TBC1D22A: variants seen among roughly 807,000 people sequenced by gnomAD.
The protein encoded by TBC1D22A is putative GTPase activator.
In TBC1D22A, 38 loss-of-function variants were observed where a neutral mutation model predicts 60.2. The observed-to-expected ratio is 0.63, with a 90% CI of 0.49 to 0.83. The LOEUF is 0.83. Among genes scored for constraint, TBC1D22A ranks in the 40% least tolerant of loss-of-function variants. The pLI, the probability that TBC1D22A is intolerant of heterozygous loss-of-function variation, is 0.00. For missense variants in TBC1D22A, 628 were observed against 701.0 expected (o/e 0.90, Z 1.18); for synonymous variants, 302 against 281.7 (o/e 1.07, Z -0.72).
chr22:47,018,963 C>G (rs1230707796), intron 10 of TBC1D22A, among the ~76,000 whole-genome samples: 4 of 152,104 alleles, frequency 2.6e-5, no homozygotes, highest in African/African-American at 4.8e-5. Context: ...ATAGCACTCA[C>G]TGTGGGGTCC....
intron 12 of TBC1D22A, among the ~76,000 whole-genome samples, chr22:47,151,838 G>A (rs750399381): frequency 5.3e-5 from 8 of 152,218 alleles, no homozygotes; most frequent in South Asian, 2.1e-4. Context: ...CCCAGGGGAC[G>A]GGGAGGACCC....
At chr22:47,084,908 G>T (rs73170437) in intron 11 of TBC1D22A, among the ~76,000 whole-genome samples, 1 of 152,138 alleles carries the variant, frequency 6.6e-6, no homozygotes, top group Non-Finnish European at 1.5e-5. Flanking sequence ...CAATCCAGAG[G>T]TTCATTTTCT....
intron 7 of TBC1D22A, among the ~76,000 whole-genome samples, chr22:46,903,220 C>T (rs1304680280): frequency 1.3e-5 from 2 of 152,098 alleles, no homozygotes; most frequent in African/African-American, 4.8e-5. Context: ...GGCTGAGGGC[C>T]GAGGGTTGAG....
Position 46,762,701 on chromosome 22 carries a change from A to AC in TBC1D22A, c.-83dup. The AC allele has an allele frequency of 8.1e-7, 1 of 1,234,858 alleles. No individual in the cohort carries two copies. Among genetic ancestry groups the AC allele is most frequent in the East Asian group, 3.2e-5 (1 of 31,468 alleles). 76.5% of individuals were successfully genotyped at this position (1,234,858 alleles called of 1,614,324 possible). A position where few individuals can be genotyped will look rare whatever the true frequency, so the allele number is the denominator to read the frequency against. On this transcript the variant is annotated 5_prime_UTR_variant, in exon 1 of 13. Coordinates refer to ENST00000337137, the MANE Select transcript of TBC1D22A (RefSeq NM_014346.5). The stretch of plus-strand genomic sequence containing the variant: ...GGAGTCCCGGGAGCAGTGAGGGGCC[A>AC]CCCGGGGCACAGGAAAGGGCCGCTA...
At chr22:46,920,902 C>T (rs2070719857) in intron 8 of TBC1D22A, among the ~76,000 whole-genome samples, 1 of 151,854 alleles carries the variant, frequency 6.6e-6, no homozygotes, top group African/African-American at 2.4e-5. Context: ...TCCTGAGTAG[C>T]TGGGATTACA....
rs147849487 is a variant in TBC1D22A at position 47,109,461 on chromosome 22, G to A, written c.1330-2047G>A. Among the ~76,000 whole-genome samples, 4 of 152,304 alleles carry A rather than the reference G, an allele frequency of 2.6e-5. No individual in the cohort carries two copies. In the East Asian group the frequency reaches 7.7e-4, roughly 29 times the overall value. ...AATATGCACCCTCTTCATGTTCTGTGGTCTGGCCCCAGCTCGCTGGTCATT... is the reference window on the plus strand; with the variant it reads ...AATATGCACCCTCTTCATGTTCTGTAGTCTGGCCCCAGCTCGCTGGTCATT... On this transcript the variant is annotated intron_variant, in intron 11 of 12. Transcript: ENST00000337137.
At chr22:47,162,431 C>T (rs1305378615) in intron 12 of TBC1D22A, among the ~76,000 whole-genome samples, 3 of 152,168 alleles carry the variant, frequency 2.0e-5, no homozygotes, top group African/African-American at 7.2e-5. Context: ...GGAGAGACGA[C>T]TCTCACTTCT....
intron 10 of TBC1D22A, among the ~76,000 whole-genome samples, chr22:47,015,705 C>T (rs761906520): frequency 2.0e-5 from 3 of 152,206 alleles, no homozygotes; most frequent in Non-Finnish European, 2.9e-5. Flanking sequence ...GGCAGACCTG[C>T]AGGATGAGAG....
intron 7 of TBC1D22A, among the ~76,000 whole-genome samples, chr22:46,897,643 T>C (rs1228184431): frequency 8.4e-6 from 1 of 119,240 alleles, no homozygotes; most frequent in African/African-American, 3.1e-5. Flanking sequence ...TCGTTTTGTT[T>C]TTTTTTGTGT....
chr22:47,124,221 A>T (rs554636225), intron 12 of TBC1D22A, among the ~76,000 whole-genome samples: 1 of 152,330 alleles, frequency 6.6e-6, no homozygotes, highest in South Asian at 2.1e-4. Context: ...TTTTAGCAAG[A>T]ACTGCAGGGT....
intron 8 of TBC1D22A, among the ~76,000 whole-genome samples, chr22:46,940,955 T>C (rs1437984958): frequency 2.2e-5 from 3 of 136,712 alleles, no homozygotes; most frequent in Admixed American, 7.6e-5. Context: ...GCATGGGGAC[T>C]GAGGCACTAG....
intron 8 of TBC1D22A, among the ~76,000 whole-genome samples, chr22:46,971,720 G>A (rs893102665): frequency 1.1e-4 from 17 of 152,236 alleles, no homozygotes; most frequent in African/African-American, 3.1e-4. Flanking sequence ...ACTGATCAGC[G>A]CGTGGAGGCT....
At chr22:46,976,867 C>A (rs931590683) in intron 9 of TBC1D22A, among the ~76,000 whole-genome samples, 20 of 152,282 alleles carry the variant, frequency 1.3e-4, no homozygotes, top group African/African-American at 4.8e-4. Flanking sequence ...TTATTGGAGC[C>A]GCTGAGCCAG....
At chr22:46,845,876 C>T (rs1428344944) in intron 4 of TBC1D22A, among the ~76,000 whole-genome samples, 3 of 152,218 alleles carry the variant, frequency 2.0e-5, no homozygotes, top group Non-Finnish European at 1.5e-5. Context: ...GGGTCGCCAG[C>T]CCTCAGGAAG....
intron 8 of TBC1D22A, among the ~76,000 whole-genome samples, chr22:46,966,568 A>AT (rs1396030603): frequency 6.6e-6 from 1 of 152,246 alleles, no homozygotes; most frequent in Non-Finnish European, 1.5e-5. Flanking sequence ...TTATTGAAAC[A>AT]TTAAAGATCC....
At chr22:47,044,891 G>T (rs2062978940) in intron 11 of TBC1D22A, among the ~76,000 whole-genome samples, 2 of 152,188 alleles carry the variant, frequency 1.3e-5, no homozygotes, top group African/African-American at 2.4e-5. Flanking sequence ...TTTTATTGGG[G>T]CTCGAGAACT....
intron 8 of TBC1D22A, among the ~76,000 whole-genome samples, chr22:46,933,003 G>A (rs2071444063): frequency 6.6e-6 from 1 of 152,166 alleles, no homozygotes. Flanking sequence ...GATGACAGGC[G>A]TGAGCCACTG....
intron 10 of TBC1D22A, among the ~76,000 whole-genome samples, chr22:47,003,965 G>C (rs1404861907): frequency 5.6e-5 from 6 of 107,250 alleles, no homozygotes; most frequent in African/African-American, 2.5e-4. Flanking sequence ...ACGCATGCCT[G>C]TATACACACC....
rs187795999 is a variant in TBC1D22A at position 46,885,457 on chromosome 22, C to T, written c.709-5809C>T. Among the ~76,000 whole-genome samples, 342 of 152,242 alleles carry T rather than the reference C, an allele frequency of 2.2e-3. 1 individual carries two copies. Among genetic ancestry groups the T allele is most frequent in the Middle Eastern group, 0.02 (6 of 294 alleles). On this transcript the variant is annotated intron_variant, in intron 5 of 12. Coordinates refer to ENST00000337137, the MANE Select transcript of TBC1D22A (RefSeq NM_014346.5). ...AAGCAGCACTGTGTGAAGCACGGAG[C>T]GTGGTGAGGACCCAGCCCTTCCTTA...
Sources: gnomAD v4.1 joint callset for allele counts (sites outside exome capture counted in the v4.1 genomes callset) on GRCh38, gnomAD v4.1.1 for gene constraint, MANE v1.5 for transcripts, NCBI Gene and HGNC (gene_info 2026-07-23, HGNC 2026-07-21) for gene names.